ADGRG5: variants seen among roughly 807,000 people sequenced by gnomAD.
The protein encoded by ADGRG5 is G protein-coupled receptor 114.
ADGRG5 carries 37 observed loss-of-function variants against 53.2 expected under a neutral mutation model. That is an observed-to-expected ratio of 0.70 (90% CI 0.53 to 0.91). The LOEUF is 0.91. Ranked by LOEUF, ADGRG5 falls within the 40% of genes least tolerant of loss-of-function variation. The pLI, the probability that ADGRG5 is intolerant of heterozygous loss-of-function variation, is 0.00. For missense variants in ADGRG5, 614 were observed against 675.8 expected (o/e 0.91, Z 1.01); for synonymous variants, 277 against 290.4 (o/e 0.95, Z 0.47).
chr16:57,567,802 A>G (rs1224417730), intron 8 of ADGRG5, 54 bp from the exon 9 acceptor site: 5 of 1,564,076 alleles, frequency 3.2e-6, no homozygotes, highest in Non-Finnish European at 4.3e-6. Context: ...CCCAGTGGGT[A>G]GTGCTGCCTG....
chr16:57,543,564 T>C (rs2032542559), intron 1 of ADGRG5, among the ~76,000 whole-genome samples: 1 of 152,210 alleles, frequency 6.6e-6, no homozygotes, highest in Admixed American at 6.5e-5. Flanking sequence ...ATTACAGGCG[T>C]GAGCCACCGT....
upstream of ADGRG5, among the ~76,000 whole-genome samples, chr16:57,539,746 C>T (rs190556882): frequency 3.6e-4 from 54 of 151,702 alleles, 1 homozygote; most frequent in Non-Finnish European, 1.5e-5. Context: ...CGAGCCAACC[C>T]ACCTGGTCTG....
Position 57,570,543 on chromosome 16 carries a change from C to T in ADGRG5, c.1208+8C>T. The stretch of plus-strand genomic sequence containing the variant: ...CTTCCAGAACATGTCCATGTGAGTG[C>T]CCTCAGGGCTGCAGTGGGCTCCCTG... On this transcript the variant is annotated splice_region_variant and intron_variant, in intron 10 of 11. Coordinates refer to ENST00000349457, the MANE Select transcript of ADGRG5 (RefSeq NM_001304376.3). 1 of 1,596,390 alleles carries T rather than the reference C, an allele frequency of 6.3e-7. No individual in the cohort carries two copies. The highest frequency in any genetic ancestry group is 1.1e-5 in the South Asian group (1 of 90,754).
chr16:57,563,311 A>T, intron 4 of ADGRG5, 64 bp downstream of exon 4: 1 of 1,452,072 alleles, frequency 6.9e-7, no homozygotes, highest in Non-Finnish European at 9.6e-7. Context: ...CCAGGCATTT[A>T]AGGTCTGGAC....
chr16:57,541,471 G>A (rs1251943613), upstream of ADGRG5, among the ~76,000 whole-genome samples: 3 of 152,116 alleles, frequency 2.0e-5, no homozygotes, highest in African/African-American at 7.2e-5. Flanking sequence ...CAGGTGCACC[G>A]GTGTCCCTGC....
intron 4 of ADGRG5, among the ~76,000 whole-genome samples, chr16:57,563,642 G>A (rs1194278575): frequency 1.3e-5 from 2 of 152,226 alleles, no homozygotes; most frequent in Non-Finnish European, 2.9e-5. Context: ...GGTTCAGTGG[G>A]TCAGGTAAAC....
At chr16:57,542,252 G>A (rs2032502395), upstream of ADGRG5, among the ~76,000 whole-genome samples, 1 of 152,228 alleles carries the variant, frequency 6.6e-6, no homozygotes, top group Admixed American at 6.5e-5. Context: ...GCCATCAATT[G>A]TCAGGTCAGG....
At position 57,562,142 on chromosome 16, in the gene ADGRG5, C is replaced by T; in HGVS notation, c.49C>T (p.Gln17Ter). 1 of 1,601,826 alleles carries T rather than the reference C, an allele frequency of 6.2e-7. No homozygotes were observed. ...LFLCLCLLTL[Q>*]NATTETWEEL... ...CCTGTGCCTGTGCCTTCTGACTTTG[C>T]AGAATGCAACAACAGGTAAGGGGGC... The change falls in exon 2 of 12, where the codon CAG becomes TAG. Residue 17 changes from glutamine (Q) to a stop codon, truncating the protein, a stop_gained. Coordinates refer to ENST00000349457, the MANE Select transcript of ADGRG5 (RefSeq NM_001304376.3). LOFTEE classifies it high-confidence loss of function.
chr16:57,575,220 T>C, intron 11 of ADGRG5, 128 bp downstream of exon 11: 7 of 1,093,588 alleles, frequency 6.4e-6, no homozygotes, highest in Non-Finnish European at 9.1e-6. Context: ...ACAGCTCCAC[T>C]AGCTAAGCTG....
upstream of ADGRG5, among the ~76,000 whole-genome samples, chr16:57,541,975 G>T (rs76747371): frequency 0.14 from 11,749 of 85,768 alleles, 1,298 homozygotes; most frequent in African/African-American, 0.35. Context: ...GCCAGGCCCA[G>T]GTCCTCTCTG....
At chr16:57,543,243 C>A (rs1407715745) in intron 1 of ADGRG5, 1 of 149,764 alleles carries the variant, frequency 6.7e-6, no homozygotes, top group East Asian at 2.0e-4. Context: ...TCTTTCCCAA[C>A]CTGGGAAATA....
chr16:57,562,978 G>A (rs1408612597), intron 3 of ADGRG5, 113 bp from the exon 4 acceptor site: 25 of 950,664 alleles, frequency 2.6e-5, no homozygotes, highest in Non-Finnish European at 3.0e-5. Flanking sequence ...CTGGAGGTGC[G>A]TGTGACAGAG....
chr16:57,557,057 A>C (rs1267780388), intron 1 of ADGRG5, among the ~76,000 whole-genome samples: 1 of 151,870 alleles, frequency 6.6e-6, no homozygotes, highest in Non-Finnish European at 1.5e-5. Flanking sequence ...CTACAGGTGC[A>C]TGCCACCATG....
upstream of ADGRG5, among the ~76,000 whole-genome samples, chr16:57,541,393 C>T (rs977902350): frequency 2.0e-5 from 3 of 152,264 alleles, no homozygotes; most frequent in South Asian, 2.1e-4. Flanking sequence ...CAAAGAAAAC[C>T]GAAGCGCAAA....
intron 1 of ADGRG5, among the ~76,000 whole-genome samples, chr16:57,560,065 C>T (rs1222004374): frequency 6.6e-6 from 1 of 152,188 alleles, no homozygotes; most frequent in Admixed American, 6.5e-5. Context: ...ATTCGATAGT[C>T]TATCTACTCT....
chr16:57,555,377 G>A (rs550495088), intron 1 of ADGRG5, among the ~76,000 whole-genome samples: 50 of 152,180 alleles, frequency 3.3e-4, no homozygotes, highest in African/African-American at 1.2e-3. Context: ...GGTTTTATAA[G>A]CATCTGGTTT....
chr16:57,537,062 C>T, the ADGRG5 span, among the ~76,000 whole-genome samples: 8 of 152,178 alleles, frequency 5.3e-5, no homozygotes, highest in Admixed American at 3.3e-4. Flanking sequence ...GAAGGGTTGA[C>T]GAAAGCAACC....
In ADGRG5 at chr16:57,576,287, C is replaced by G. The variant is rs1357115797; in HGVS notation, c.*749C>G. 4 of 152,268 alleles carry G rather than the reference C, an allele frequency of 2.6e-5. No individual in the cohort carries two copies. 9.4% of individuals were successfully genotyped at this position (152,268 alleles called of 1,614,324 possible). On this transcript the variant is annotated 3_prime_UTR_variant, in exon 12 of 12. Transcript: ENST00000349457. Reference sequence around the variant, plus strand: ...CCCAGAGGCTCCTCCTGCGGTGCTCCCAAGACTTCCATAGACCATCTGGAC... The same window carrying G: ...CCCAGAGGCTCCTCCTGCGGTGCTCGCAAGACTTCCATAGACCATCTGGAC...
intron 1 of ADGRG5, among the ~76,000 whole-genome samples, chr16:57,544,443 AG>A (rs775135212): frequency 6.6e-6 from 1 of 152,096 alleles, no homozygotes; most frequent in African/African-American, 2.4e-5. Flanking sequence ...CTCCTGGGAA[AG>A]GGGGTGGAAA....
Sources: gnomAD v4.1 joint callset for allele counts (sites outside exome capture counted in the v4.1 genomes callset) on GRCh38, gnomAD v4.1.1 for gene constraint, MANE v1.5 for transcripts, NCBI Gene and HGNC (gene_info 2026-07-23, HGNC 2026-07-21) for gene names.